Variants in SHISA8 observed in about 807,000 individuals in gnomAD.
SHISA8 encodes shisa family member 8.
In SHISA8, 21 loss-of-function variants were observed where a neutral mutation model predicts 21.1. That is an observed-to-expected ratio of 0.99 (90% confidence interval 0.71 to 1.43). The LOEUF is 1.43. Among genes scored for constraint, SHISA8 ranks in the 40% most tolerant of loss-of-function variants. SHISA8 has a pLI of 0.00. For missense variants in SHISA8, 535 were observed against 599.1 expected, an observed-to-expected ratio of 0.89 and a Z score of 1.12; for synonymous variants, 300 against 291.4, an observed-to-expected ratio of 1.03 and a Z score of -0.30.
At chr22:41,912,136 G>A (rs905901099) in intron 1 of SHISA8, among the ~76,000 whole-genome samples, 6 of 152,218 alleles carry the variant, frequency 3.9e-5, no homozygotes, top group Non-Finnish European at 8.8e-5. Context: ...GATGGGTGAC[G>A]GAATGGGGAT....
chr22:41,911,241 G>T lies in SHISA8; in HGVS notation c.639C>A (p.Pro213=). 7.8e-7 allele frequency: 1 copy of T among 1,284,504 alleles called. No individual in the cohort carries two copies. The allele number at this position is 1,284,504 out of a possible 1,614,324, so 79.6% of individuals were successfully genotyped here. The change falls in exon 2 of 4, where the codon CCC becomes CCA. Residue 213 remains proline (P), a synonymous_variant. Transcript: ENST00000621082. ...CTGCGCTGTTGTGGGGGGAGCCCCG[G>T]GGGAGGCCGTCCCCCATCTGCACCT... The part of the protein sequence containing the change: ...CVQVQMGDGL[P]RGSPHNSADK...
chr22:41,910,220 C>CCGGGGACTGGGA lies in SHISA8; in HGVS notation c.812-85_812-74dup. 3.3e-6 allele frequency: 4 copies of CCGGGGACTGGGA among 1,225,488 alleles called. No homozygotes were observed. The highest frequency in any genetic ancestry group is 3.9e-5 in the South Asian group (1 of 25,904). 75.9% of individuals were successfully genotyped at this position (1,225,488 alleles called of 1,614,324 possible). ...CTCAGGACTGGACAAGGGGTCCCGG[C>CCGGGGACTGGGA]CGGGGACTGGGACGGGGACCGGGCC... On this transcript the variant is annotated intron_variant, in intron 3 of 3. Coordinates refer to ENST00000621082, the MANE Select transcript of SHISA8 (RefSeq NM_001207020.3). This position sits in a 1 kb window ranked among gnomAD's most constrained non-coding sequence, Gnocchi z 6.8.
rs911583785 is a variant in SHISA8, at chr22:41,914,985, G to A, written c.-318C>T. 2.0e-5 allele frequency among the ~76,000 whole-genome samples: 3 copies of A among 151,758 alleles called. No homozygotes were observed. Among genetic ancestry groups the A allele is most frequent in the Non-Finnish European group, 4.4e-5 (3 of 67,874 alleles). ...CTTCTCCCCGGCCCGGCAGGTGTGC[G>A]GGTCTTGGCCCTAGCGGAGGCCGCG... On this transcript the variant is annotated 5_prime_UTR_variant, in exon 1 of 4. Coordinates refer to ENST00000621082, the MANE Select transcript of SHISA8 (RefSeq NM_001207020.3). This position sits in a 1 kb window ranked among gnomAD's most constrained non-coding sequence, Gnocchi z 6.8.
In SHISA8 at chr22:41,910,100, A is replaced by G; in HGVS notation, c.859T>C (p.Ser287Pro). 8.1e-7 allele frequency: 1 copy of G among 1,238,632 alleles called. No homozygotes were observed. Among genetic ancestry groups the G allele is most frequent in the Non-Finnish European group, 1.0e-6 (1 of 994,542 alleles). 76.7% of individuals were successfully genotyped at this position (1,238,632 alleles called of 1,614,324 possible). A position where few individuals can be genotyped will look rare whatever the true frequency, so the allele number is the denominator to read the frequency against. Reference sequence around the variant, plus strand: ...GCCCGCGCCGGGGGTTGCCGCGGGGACGGCTCGAGGGCGGGGAAACGCTGA... The same window carrying G: ...GCCCGCGCCGGGGGTTGCCGCGGGGGCGGCTCGAGGGCGGGGAAACGCTGA... ...FCQRFPALEPSPRQPPARAPR... is the reference protein window; with the variant it reads ...FCQRFPALEPPPRQPPARAPR... Residue 287 changes from serine (S) to proline (P), a missense_variant, in exon 4 of 4, where the codon TCC (serine) becomes CCC (proline). Transcript: ENST00000621082. The surrounding 1 kb of genome is among the most constrained non-coding windows in gnomAD (Gnocchi z 6.8).
rs2077538164 is a variant in SHISA8 at position 41,910,078 on chromosome 22, C to G, written c.881G>C (p.Arg294Pro). 1.6e-6 allele frequency: 2 copies of G among 1,239,632 alleles called. No homozygotes were observed. Among genetic ancestry groups the G allele is most frequent in the East Asian group, 3.2e-5 (1 of 31,258 alleles). The allele number at this position is 1,239,632 out of a possible 1,614,324, so 76.8% of individuals were successfully genotyped here. ...LEPSPRQPPARAPRPSPDLPA... is the reference protein window; with the variant it reads ...LEPSPRQPPAPAPRPSPDLPA... Reference sequence around the variant, plus strand: ...CAAGTCCGGGGATGGTCGCGGAGCCCGCGCCGGGGGTTGCCGCGGGGACGG... The same window carrying G: ...CAAGTCCGGGGATGGTCGCGGAGCCGGCGCCGGGGGTTGCCGCGGGGACGG... The change falls in exon 4 of 4, where the codon CGG (arginine) becomes CCG (proline). Residue 294 changes from arginine (R) to proline (P), a missense_variant. Transcript: ENST00000621082. This position sits in a 1 kb window ranked among gnomAD's most constrained non-coding sequence, Gnocchi z 6.8.
intron 1 of SHISA8, among the ~76,000 whole-genome samples, chr22:41,913,526 C>G (rs1242787078): frequency 6.6e-6 from 1 of 152,226 alleles, no homozygotes; most frequent in Non-Finnish European, 1.5e-5. Flanking sequence ...AAGCACCTGT[C>G]CTGGCCTCAG....
In SHISA8 at chr22:41,911,232, G is replaced by C. The variant is rs1186375904; in HGVS notation, c.648C>G (p.Ser216=). The change falls in exon 2 of 4, where the codon TCC becomes TCG. Residue 216 remains serine (S), a synonymous_variant. Coordinates refer to ENST00000621082, the MANE Select transcript of SHISA8 (RefSeq NM_001207020.3). ...CCGACTCACCTGCGCTGTTGTGGGG[G>C]GAGCCCCGGGGGAGGCCGTCCCCCA... is the stretch of plus-strand genomic sequence containing the variant. ...VQMGDGLPRG[S]PHNSADKKRL... 3.9e-6 allele frequency: 5 copies of C among 1,282,712 alleles called. No individual in the cohort carries two copies. Among genetic ancestry groups the C allele is most frequent in the Non-Finnish European group, 4.9e-6 (5 of 1,015,572 alleles). The allele number at this position is 1,282,712 out of a possible 1,614,324, so 79.5% of individuals were successfully genotyped here.
At position 41,910,554 on chromosome 22, in the gene SHISA8, T is replaced by C; in HGVS notation, c.665A>G (p.Asp222Gly). The change falls in exon 3 of 4, where the codon GAC becomes GGC. Residue 222 changes from aspartate (D) to glycine (G), a missense_variant and splice_region_variant. Coordinates refer to ENST00000621082, the MANE Select transcript of SHISA8 (RefSeq NM_001207020.3). This position sits in a 1 kb window ranked among gnomAD's most constrained non-coding sequence, Gnocchi z 6.8. ...LPRGSPHNSADKKRLNNAPRG... is the reference protein window; with the variant it reads ...LPRGSPHNSAGKKRLNNAPRG... The stretch of plus-strand genomic sequence containing the variant: ...GGGCGCGTTGTTGAGGCGCTTCTTG[T>C]CTGGAGCGAGGAGTGAGACGCGGCT... 1 of 1,229,018 alleles carries C rather than the reference T, an allele frequency of 8.1e-7. No homozygotes were observed. The highest frequency in any genetic ancestry group is 1.0e-6 in the Non-Finnish European group (1 of 986,512). 76.1% of individuals were successfully genotyped at this position (1,229,018 alleles called of 1,614,324 possible).
In SHISA8 at chr22:41,909,931, G is replaced by A. The variant is rs1184978497; in HGVS notation, c.1028C>T (p.Thr343Met). The A allele has an allele frequency of 2.6e-6, 4 of 1,519,748 alleles. No individual in the cohort carries two copies. In the Admixed American group the frequency reaches 8.1e-5, roughly 31 times the overall value. The allele number at this position is 1,519,748 out of a possible 1,614,324, so 94.1% of individuals were successfully genotyped here. A position where few individuals can be genotyped will look rare whatever the true frequency, so the allele number is the denominator to read the frequency against. The change falls in exon 4 of 4, where the codon ACG (threonine) becomes ATG (methionine). Residue 343 changes from threonine to methionine, a missense_variant. By Grantham distance (81) the Thr-to-Met change is moderately conservative (BLOSUM62 -1). Coordinates refer to ENST00000621082, the MANE Select transcript of SHISA8 (RefSeq NM_001207020.3). ...PARPAPLSHP[T>M]ARAFQVPRRP... is the part of the protein sequence containing the mutation. The stretch of plus-strand genomic sequence containing the variant: ...CCGGGGTACCTGGAAGGCCCGAGCC[G>A]TCGGGTGGCTGAGCGGGGCGGGCCG...
rs2077539475 is a variant in SHISA8 at position 41,910,233 on chromosome 22, C to T, written c.812-86G>A. ...AAGGGGTCCCGGCCGGGGACTGGGACGGGGACCGGGCCGGGGCGGGCCGGG... is the reference window on the plus strand; with the variant it reads ...AAGGGGTCCCGGCCGGGGACTGGGATGGGGACCGGGCCGGGGCGGGCCGGG... On this transcript the variant is annotated intron_variant, in intron 3 of 3. Coordinates refer to ENST00000621082, the MANE Select transcript of SHISA8 (RefSeq NM_001207020.3). This position sits in a 1 kb window ranked among gnomAD's most constrained non-coding sequence, Gnocchi z 6.8. 2 of 1,223,894 alleles carry T rather than the reference C, an allele frequency of 1.6e-6. No individual in the cohort carries two copies. Among genetic ancestry groups the T allele is most frequent in the Non-Finnish European group, 2.0e-6 (2 of 982,582 alleles). The allele number at this position is 1,223,894 out of a possible 1,614,324, so 75.8% of individuals were successfully genotyped here.
rs2077575852 is a variant in SHISA8 at position 41,914,687 on chromosome 22, A to G, written c.-20T>C. 4.0e-6 allele frequency: 4 copies of G among 1,011,946 alleles called. No homozygotes were observed. The highest frequency in any genetic ancestry group is 4.7e-6 in the Non-Finnish European group (4 of 849,636). 62.7% of individuals were successfully genotyped at this position (1,011,946 alleles called of 1,614,324 possible). On this transcript the variant is annotated 5_prime_UTR_variant, in exon 1 of 4. The change abolishes the stop of an existing upstream ORF in the 5' untranslated region. Transcript: ENST00000621082. The surrounding 1 kb of genome is among the most constrained non-coding windows in gnomAD (Gnocchi z 6.8). The stretch of plus-strand genomic sequence containing the variant: ...CGCCATCGGGCCCGCGCCTCCCGCT[A>G]CTGCGCCCGGTGCATGGCCGGGCGC...
Position 41,914,284 on chromosome 22 carries a change from T to C in SHISA8, c.384A>G (p.Ala128=). The change falls in exon 1 of 4, where the codon GCA becomes GCG. Residue 128 remains alanine (A), a synonymous_variant. Coordinates refer to ENST00000621082, the MANE Select transcript of SHISA8 (RefSeq NM_001207020.3). This position sits in a 1 kb window ranked among gnomAD's most constrained non-coding sequence, Gnocchi z 6.8. ...GCTCGCGGCCGGGGTCCCGGGGCGCTGCGGTGTCGCGGGCGCGGGCGGGCG... is the reference window on the plus strand; with the variant it reads ...GCTCGCGGCCGGGGTCCCGGGGCGCCGCGGTGTCGCGGGCGCGGGCGGGCG... ...GRPPARARDT[A]APRDPGRERS... is the part of the protein sequence containing the mutation. 1 of 1,257,994 alleles carries C rather than the reference T, an allele frequency of 7.9e-7. No individual in the cohort carries two copies. The highest frequency in any genetic ancestry group is 9.9e-7 in the Non-Finnish European group (1 of 1,005,512). The allele number at this position is 1,257,994 out of a possible 1,614,324, so 77.9% of individuals were successfully genotyped here.
Position 41,914,367 on chromosome 22 carries a change from G to A in SHISA8, c.301C>T (p.Leu101Phe). 1 of 1,290,642 alleles carries A rather than the reference G, an allele frequency of 7.7e-7. No homozygotes were observed. The highest frequency in any genetic ancestry group is 9.8e-7 in the Non-Finnish European group (1 of 1,018,646). 79.9% of individuals were successfully genotyped at this position (1,290,642 alleles called of 1,614,324 possible). The change falls in exon 1 of 4, where the codon CTC becomes TTC. Residue 101 changes from leucine (L) to phenylalanine (F), a missense_variant. Coordinates refer to ENST00000621082, the MANE Select transcript of SHISA8 (RefSeq NM_001207020.3). The surrounding 1 kb of genome is among the most constrained non-coding windows in gnomAD (Gnocchi z 6.8). ...TAGTTGGAACAGCGGCTCTGGTCGA[G>A]GCGCCGCGGCCCGTCGTGGCAGCAG... ...RFCCHDGPRR[L>F]DQSRCSNYDT...
Position 41,910,112 on chromosome 22 carries a change from CG to C in SHISA8, c.846del (p.Ala283ProfsTer81). ...AAPRDFCQRF[P>X]ALEPSPRQPP... ...GGTTGCCGCGGGGACGGCTCGAGGGCGGGGAAACGCTGACAGAAGTCCCGCG... is the reference window on the plus strand; with the variant it reads ...GGTTGCCGCGGGGACGGCTCGAGGGCGGGAAACGCTGACAGAAGTCCCGCG... On this transcript the variant is annotated frameshift_variant, in exon 4 of 4. Transcript: ENST00000621082. LOFTEE classifies it low-confidence loss of function (END_TRUNC). The surrounding 1 kb of genome is among the most constrained non-coding windows in gnomAD (Gnocchi z 6.8). 2 of 1,238,444 alleles carry C rather than the reference CG, an allele frequency of 1.6e-6. No individual in the cohort carries two copies. Among genetic ancestry groups the C allele is most frequent in the Non-Finnish European group, 2.0e-6 (2 of 994,280 alleles). The allele number at this position is 1,238,444 out of a possible 1,614,324, so 76.7% of individuals were successfully genotyped here. A position where few individuals can be genotyped will look rare whatever the true frequency, so the allele number is the denominator to read the frequency against.
intron 2 of SHISA8, 90 bp downstream of exon 2, chr22:41,911,126 C>T (rs2077550475): frequency 1.6e-6 from 2 of 1,236,170 alleles, no homozygotes; most frequent in African/African-American, 1.6e-5. Flanking sequence ...CCGGGGAAGC[C>T]TCTATGCCCC....
Position 41,909,893 on chromosome 22 carries a change from C to T in SHISA8, c.1066G>A (p.Ala356Thr), listed in dbSNP as rs1160460589. Residue 356 changes from alanine (A) to threonine (T), a missense_variant, in exon 4 of 4, where the codon GCG becomes ACG. Ala to Thr is a moderately conservative substitution (Grantham distance 58). Transcript: ENST00000621082. ...AFQVPRRPGHAARRQFSVKMP... is the reference protein window; with the variant it reads ...AFQVPRRPGHTARRQFSVKMP... ...TTCACACTGAACTGGCGCCGGGCCGCGTGCCCGGGTCGCCGGGGTACCTGG... is the reference window on the plus strand; with the variant it reads ...TTCACACTGAACTGGCGCCGGGCCGTGTGCCCGGGTCGCCGGGGTACCTGG... 1.0e-5 allele frequency: 16 copies of T among 1,526,912 alleles called. No individual in the cohort carries two copies. Among genetic ancestry groups the T allele is most frequent in the Middle Eastern group, 1.7e-4 (1 of 5,830 alleles). 94.6% of individuals were successfully genotyped at this position (1,526,912 alleles called of 1,614,324 possible). A position where few individuals can be genotyped will look rare whatever the true frequency, so the allele number is the denominator to read the frequency against.
At chr22:41,912,349 C>T (rs946411020) in intron 1 of SHISA8, among the ~76,000 whole-genome samples, 4 of 152,192 alleles carry the variant, frequency 2.6e-5, no homozygotes, top group South Asian at 4.1e-4. Flanking sequence ...ATGGCTGATT[C>T]GTGAAGGTCA....
chr22:41,909,807 G>T lies in SHISA8; in HGVS notation c.1152C>A (p.Ser384=). 1 of 1,516,032 alleles carries T rather than the reference G, an allele frequency of 6.6e-7. No individual in the cohort carries two copies. The highest frequency in any genetic ancestry group is 1.2e-5 in the South Asian group (1 of 81,274). The allele number at this position is 1,516,032 out of a possible 1,614,324, so 93.9% of individuals were successfully genotyped here. The part of the protein sequence containing the change: ...PGLYGSAGRG[S]RYLRTNSKTE... ...TCTTGCTATTGGTCCTTAGGTACCGGGACCCGCGGCCCGCGCTGCCGTAAA... is the reference window on the plus strand; with the variant it reads ...TCTTGCTATTGGTCCTTAGGTACCGTGACCCGCGGCCCGCGCTGCCGTAAA... The change falls in exon 4 of 4, where the codon TCC becomes TCA. Residue 384 remains serine (S), a synonymous_variant. Coordinates refer to ENST00000621082, the MANE Select transcript of SHISA8 (RefSeq NM_001207020.3).
At chr22:41,911,140 C>G (rs2146574922) in intron 2 of SHISA8, 76 bp downstream of exon 2, 4 of 1,245,574 alleles carry the variant, frequency 3.2e-6, no homozygotes, top group Non-Finnish European at 4.0e-6. Context: ...ATGCCCCAGC[C>G]GAGGGACCGC....
Sources: allele counts gnomAD v4.1 joint callset (sites outside exome capture counted in the v4.1 genomes callset), GRCh38; gene constraint gnomAD v4.1.1; non-coding constraint Gnocchi (gnomAD v3.1); transcripts MANE v1.5; gene names NCBI Gene and HGNC (gene_info 2026-07-23, HGNC 2026-07-21).